SCN8A: variants seen among roughly 807,000 people sequenced by gnomAD.
SCN8A encodes sodium channel protein type 8 subunit alpha.
SCN8A carries 30 observed loss-of-function variants against 184.1 expected under a neutral mutation model. That is an observed-to-expected ratio of 0.16 (90% CI 0.12 to 0.22). The LOEUF is 0.22. SCN8A is among the 10% of genes least tolerant of loss of function. SCN8A has a pLI of 1.00. For missense variants in SCN8A, 1,057 were observed against 2,498.9 expected, an observed-to-expected ratio of 0.42 and a Z score of 12.30; for synonymous variants, 852 against 907.0, an observed-to-expected ratio of 0.94 and a Z score of 1.09.
rs763049043 is a variant in SCN8A at position 51,702,821 on chromosome 12, C to T, written c.1041C>T (p.Asn347=). The T allele has an allele frequency of 1.2e-6, 2 of 1,609,952 alleles. No homozygotes were observed. The highest frequency in any genetic ancestry group is 8.5e-7 in the Non-Finnish European group (1 of 1,177,950). Residue 347 remains asparagine, a synonymous_variant, in exon 9 of 27, where the codon AAC becomes AAT. Coordinates refer to ENST00000627620, the MANE Select transcript of SCN8A (RefSeq NM_001330260.2). The stretch of plus-strand genomic sequence containing the variant: ...GTATGAAAGCAGGAAGGAACCCCAA[C>T]TATGGTTACACAAGTTTTGACACTT... The part of the protein sequence containing the change: ...YQCMKAGRNP[N]YGYTSFDTFS...
At chr12:51,661,332 T>C (rs749950571) in intron 1 of SCN8A, among the ~76,000 whole-genome samples, 4 of 152,222 alleles carry the variant, frequency 2.6e-5, no homozygotes, top group Non-Finnish European at 5.9e-5. Flanking sequence ...CCAACTGGTC[T>C]ATGTGGGGCA....
chr12:51,624,326 T>TCA (rs1291086542), intron 1 of SCN8A, among the ~76,000 whole-genome samples: 1 of 152,264 alleles, frequency 6.6e-6, no homozygotes, highest in Non-Finnish European at 1.5e-5. Flanking sequence ...AGATGGTATC[T>TCA]CACTGTGGTT....
At chr12:51,728,262 A>G (rs914033406) in intron 12 of SCN8A, among the ~76,000 whole-genome samples, 3 of 152,190 alleles carry the variant, frequency 2.0e-5, no homozygotes, top group Non-Finnish European at 4.4e-5. Flanking sequence ...CAAATGGACA[A>G]TGACTAGACC....
intron 11 of SCN8A, 77 bp from the exon 12 acceptor site, chr12:51,721,469 C>T: frequency 6.9e-7 from 1 of 1,438,958 alleles, no homozygotes; most frequent in South Asian, 1.5e-5. Context: ...GGGAACCTAA[C>T]CACTTTGCTC....
intron 15 of SCN8A, 125 bp from the exon 16 acceptor site, chr12:51,765,546 A>G (rs1942824923): frequency 1.6e-6 from 1 of 637,112 alleles, no homozygotes; most frequent in East Asian, 2.8e-5. Context: ...AGTCCTGGGA[A>G]TTTTCCAAGG....
intron 1 of SCN8A, among the ~76,000 whole-genome samples, chr12:51,605,001 G>A (rs909268648): frequency 2.0e-5 from 3 of 152,020 alleles, no homozygotes; most frequent in Non-Finnish European, 2.9e-5. Context: ...TCCTCCTAAC[G>A]TCCACCCTAA....
intron 1 of SCN8A, among the ~76,000 whole-genome samples, chr12:51,602,807 G>C (rs1241197025): frequency 6.6e-6 from 1 of 151,968 alleles, no homozygotes; most frequent in Non-Finnish European, 1.5e-5. Context: ...TTTCCTAGTG[G>C]GAGACCTATT....
At position 51,763,730 on chromosome 12, in the gene SCN8A, G is replaced by A. The variant is rs932678905; in HGVS notation, c.2544+1054G>A. ...TAAGTGATATCTTGATTAACTCCTC[G>A]AGAAACTGAGTTATCCTGGGGGTAT... On this transcript the variant is annotated intron_variant, in intron 15 of 26. Transcript: ENST00000627620. 5.9e-5 allele frequency among the ~76,000 whole-genome samples: 9 copies of A among 152,156 alleles called. No individual in the cohort carries two copies. The South Asian group carries it at 1.0e-3, about 17-fold the overall frequency.
chr12:51,608,711 A>AT (rs1028895045), intron 1 of SCN8A, among the ~76,000 whole-genome samples: 6 of 151,054 alleles, frequency 4.0e-5, no homozygotes, highest in African/African-American at 7.3e-5. Context: ...TCATTTTTGT[A>AT]TTTTTTTTGT....
At chr12:51,703,237 T>TTTTG (rs140775654) in intron 9 of SCN8A, among the ~76,000 whole-genome samples, 79 of 150,116 alleles carry the variant, frequency 5.3e-4, no homozygotes, top group South Asian at 8.4e-4. Flanking sequence ...GGGTTTGTTT[T>TTTTG]TTTTGTTTTG....
chr12:51,803,734 G>A (rs1156782164), intron 26 of SCN8A, among the ~76,000 whole-genome samples: 1 of 151,938 alleles, frequency 6.6e-6, no homozygotes, highest in Non-Finnish European at 1.5e-5. Context: ...TGACTTCTTT[G>A]GTCACTGGTT....
intron 12 of SCN8A, among the ~76,000 whole-genome samples, chr12:51,739,063 C>CTTT (rs1942376111): frequency 6.6e-6 from 1 of 152,270 alleles, no homozygotes; most frequent in African/African-American, 2.4e-5. Context: ...CAGTGTTTTC[C>CTTT]TTTTTTTATA....
At chr12:51,741,421 CTA>C (rs1252257906) in intron 12 of SCN8A, among the ~76,000 whole-genome samples, 1 of 152,132 alleles carries the variant, frequency 6.6e-6, no homozygotes, top group Non-Finnish European at 1.5e-5. Flanking sequence ...TTTAGCCACT[CTA>C]TGTCTTTTTA....
At chr12:51,624,140 C>A (rs997730660) in intron 1 of SCN8A, among the ~76,000 whole-genome samples, 1 of 152,206 alleles carries the variant, frequency 6.6e-6, no homozygotes, top group Non-Finnish European at 1.5e-5. Flanking sequence ...AATGGGATTG[C>A]TGGGTCTAAT....
At chr12:51,717,767 C>G (rs1310992126) in intron 11 of SCN8A, among the ~76,000 whole-genome samples, 2 of 152,218 alleles carry the variant, frequency 1.3e-5, no homozygotes, top group Admixed American at 6.5e-5. Flanking sequence ...CTCCTTCTCT[C>G]TGGTACAAGG....
intron 6 of SCN8A, among the ~76,000 whole-genome samples, chr12:51,692,039 T>C (rs1156561445): frequency 1.3e-5 from 2 of 152,156 alleles, no homozygotes; most frequent in Admixed American, 1.3e-4. Context: ...GGCCCATGAT[T>C]CCCCCTTAGT....
chr12:51,688,978 G>A (rs747893454), intron 5 of SCN8A, 27 bp from the exon 6 acceptor site: 1 of 1,599,260 alleles, frequency 6.3e-7, no homozygotes, highest in East Asian at 2.2e-5. Flanking sequence ...TGTCACTTGT[G>A]TCTGTGTGTG....
intron 12 of SCN8A, among the ~76,000 whole-genome samples, chr12:51,725,868 A>G (rs889799077): frequency 1.4e-4 from 21 of 152,194 alleles, no homozygotes; most frequent in African/African-American, 5.1e-4. Flanking sequence ...TTACTAGCAA[A>G]CATTTTGGAT....
At chr12:51,798,537 T>G (rs1376628287) in intron 26 of SCN8A, among the ~76,000 whole-genome samples, 1 of 152,182 alleles carries the variant, frequency 6.6e-6, no homozygotes, top group Non-Finnish European at 1.5e-5. Flanking sequence ...TACTGGCAAA[T>G]TGGACACTCA....
Sources: allele counts gnomAD v4.1 joint callset (sites outside exome capture counted in the v4.1 genomes callset), GRCh38; gene constraint gnomAD v4.1.1; transcripts MANE v1.5; gene names NCBI Gene and HGNC (gene_info 2026-07-23, HGNC 2026-07-21).